Variants in SNX4 observed in about 807,000 individuals in gnomAD.
SNX4 encodes the protein sorting nexin-4.
Under a neutral mutation model 70.8 loss-of-function variants are expected in SNX4, and 49 were observed. The observed-to-expected ratio is 0.69, with a 90% CI of 0.55 to 0.88. The LOEUF is 0.88. Ranked by LOEUF, SNX4 falls within the 40% of genes least tolerant of loss-of-function variation. The pLI is 0.00. For synonymous variants in SNX4, 206 were observed against 183.8 expected (o/e 1.12, Z -0.98); for missense variants, 528 against 544.8 (o/e 0.97, Z 0.31).
chr3:125,459,372 T>C (rs745476844), intron 10 of SNX4, among the ~76,000 whole-genome samples: 2 of 152,190 alleles, frequency 1.3e-5, no homozygotes, highest in Non-Finnish European at 2.9e-5. Context: ...CCTGGCCATC[T>C]TTCCATGTCA....
At chr3:125,519,949 G>GGCCCCCCCCCCC in intron 1 of SNX4, 83 bp downstream of exon 1, 1 of 1,049,134 alleles carries the variant, frequency 9.5e-7, no homozygotes. Context: ...GCCCGGCCCG[G>GGCCCCCCCCCCC]CCCAGCCCAG....
At chr3:125,517,890 C>T (rs868066846) in intron 1 of SNX4, among the ~76,000 whole-genome samples, 13 of 151,604 alleles carry the variant, frequency 8.6e-5, no homozygotes, top group African/African-American at 2.9e-4. Flanking sequence ...GCATGAGAAT[C>T]GCTTGAGCCT....
chr3:125,511,770 T>C (rs1935178821), intron 1 of SNX4, among the ~76,000 whole-genome samples: 1 of 152,104 alleles, frequency 6.6e-6, no homozygotes, highest in African/African-American at 2.4e-5. Context: ...AATTGGAGTG[T>C]TTTATGAAGG....
chr3:125,467,693 G>A (rs1212886785), intron 9 of SNX4, among the ~76,000 whole-genome samples: 1 of 152,106 alleles, frequency 6.6e-6, no homozygotes, highest in Non-Finnish European at 1.5e-5. Context: ...GATTACAGGC[G>A]TGAGCCACTG....
chr3:125,519,953 A>ACCCCC, intron 1 of SNX4, 79 bp downstream of exon 1: 1 of 745,322 alleles, frequency 1.3e-6, no homozygotes, highest in East Asian at 5.3e-5. Flanking sequence ...GGCCCGGCCC[A>ACCCCC]GCCCAGCCCA....
At chr3:125,466,622 T>G (rs1934026933) in intron 9 of SNX4, among the ~76,000 whole-genome samples, 1 of 151,992 alleles carries the variant, frequency 6.6e-6, no homozygotes, top group African/African-American at 2.4e-5. Context: ...AAAAAACAGC[T>G]CAATTTAAAA....
intron 1 of SNX4, among the ~76,000 whole-genome samples, chr3:125,511,113 C>T (rs1334561550): frequency 6.6e-6 from 1 of 152,154 alleles, no homozygotes; most frequent in African/African-American, 2.4e-5. Flanking sequence ...GGAGTTTCTC[C>T]ATGTTGGTCA....
intron 2 of SNX4, among the ~76,000 whole-genome samples, chr3:125,499,762 TAA>T (rs372624115): frequency 0.35 from 47,575 of 134,710 alleles, 7,905 homozygotes; most frequent in Admixed American, 0.48. Flanking sequence ...CATAAGTGTT[TAA>T]AAAAAAAAAA....
In SNX4 at chr3:125,507,191, GAAAAAAAAA is replaced by G. The variant is rs753584700; in HGVS notation, c.142-2456_142-2448del. Among the ~76,000 whole-genome samples, 43 of 90,800 alleles carry G rather than the reference GAAAAAAAAA, an allele frequency of 4.7e-4. No homozygotes were observed. In the East Asian group the frequency reaches 6.2e-3, roughly 13 times the overall value. The allele number at this position is 90,800 out of a possible 152,430, so 59.6% of individuals were successfully genotyped here. ...CCACTGCACTCCAGCCTGGGTGATA[GAAAAAAAAA>G]AAAAAAAAAAAGAAACCAAAAAGAA... On this transcript the variant is annotated intron_variant, in intron 1 of 13. Transcript: ENST00000251775.
Position 125,447,376 on chromosome 3 carries a change from G to GTGCC in SNX4, c.*402_*403insGGCA, listed in dbSNP as rs973273074. The stretch of plus-strand genomic sequence containing the variant: ...GAAAACAACTCCCTATAACAGATTA[G>GTGCC]TGGATCTTACCAAGTAAATATAGGA... On this transcript the variant is annotated 3_prime_UTR_variant, in exon 14 of 14. Coordinates refer to ENST00000251775, the MANE Select transcript of SNX4 (RefSeq NM_003794.4). 3.1e-5 allele frequency: 5 copies of GTGCC among 159,856 alleles called. No homozygotes were observed. Among genetic ancestry groups the GTGCC allele is most frequent in the African/African-American group, 9.6e-5 (4 of 41,548 alleles). The allele number at this position is 159,856 out of a possible 1,614,324, so 9.9% of individuals were successfully genotyped here.
intron 11 of SNX4, among the ~76,000 whole-genome samples, chr3:125,455,111 T>C (rs1933677126): frequency 6.6e-6 from 1 of 152,044 alleles, no homozygotes; most frequent in South Asian, 2.1e-4. Context: ...AAATTTTTGG[T>C]AAAGACAGGG....
rs767432586 is a variant in SNX4, at chr3:125,471,344, C to CAAAAAAAA, written c.789-1833_789-1826dup. ...GGGCAACAAGAGCAAAGCTCCATCT[C>CAAAAAAAA]AAAAAAAAAAAAAAAAAAAAAAAAA... On this transcript the variant is annotated intron_variant, in intron 8 of 13. Transcript: ENST00000251775. Among the ~76,000 whole-genome samples, 99 of 28,146 alleles carry CAAAAAAAA rather than the reference C, an allele frequency of 3.5e-3. 16 individuals are homozygous for CAAAAAAAA. The highest frequency in any genetic ancestry group is 0.016 in the African/African-American group (87 of 5,444). 18.5% of individuals were successfully genotyped at this position (28,146 alleles called of 152,430 possible).
At chr3:125,482,725 A>G (rs749969522) in intron 6 of SNX4, among the ~76,000 whole-genome samples, 13 of 152,172 alleles carry the variant, frequency 8.5e-5, no homozygotes, top group Non-Finnish European at 1.6e-4. Flanking sequence ...CCAAGTATTC[A>G]GTTACTGTGG....
At chr3:125,473,948 A>C (rs1559814789) in intron 8 of SNX4, among the ~76,000 whole-genome samples, 1 of 152,208 alleles carries the variant, frequency 6.6e-6, no homozygotes, top group Non-Finnish European at 1.5e-5. Flanking sequence ...TATTCTCACT[A>C]GCTTCTTAAA....
At chr3:125,504,455 G>A (rs912226673) in intron 2 of SNX4, among the ~76,000 whole-genome samples, 168 bp downstream of exon 2, 4 of 151,402 alleles carry the variant, frequency 2.6e-5, no homozygotes, top group East Asian at 1.9e-4. Flanking sequence ...CTGCACTCCA[G>A]CCCAGGCAAC....
rs1328207234 is a variant in SNX4, at chr3:125,451,415, A to G, written c.1195T>C (p.Phe399Leu). ...ATATCAGCCCATGCGTTTTTCACAA[A>G]TTCTCTGAAATAAAAGGTATAGCCA... ...LKSKNLEGRE[F>L]VKNAWADIER... The change falls in exon 13 of 14, where the codon TTT becomes CTT. Residue 399 changes from phenylalanine to leucine, a missense_variant. By Grantham distance (22) the Phe-to-Leu change is conservative (BLOSUM62 0). Coordinates refer to ENST00000251775, the MANE Select transcript of SNX4 (RefSeq NM_003794.4). The G allele has an allele frequency of 6.2e-7, 1 of 1,604,934 alleles. No homozygotes were observed. Among genetic ancestry groups the G allele is most frequent in the East Asian group, 2.2e-5 (1 of 44,814 alleles).
intron 11 of SNX4, among the ~76,000 whole-genome samples, chr3:125,456,495 A>C (rs1055907317): frequency 1.3e-5 from 2 of 151,912 alleles, no homozygotes; most frequent in Non-Finnish European, 2.9e-5. Flanking sequence ...ACTATAAACA[A>C]AATTAGCCAG....
At chr3:125,466,620 G>A (rs7646098) in intron 9 of SNX4, among the ~76,000 whole-genome samples, 65,298 of 151,916 alleles carry the variant, frequency 0.43, 15,048 homozygotes, top group African/African-American at 0.6. Context: ...GCAAAAAACA[G>A]CTCAATTTAA....
At chr3:125,486,680 G>A (rs192923430) in intron 6 of SNX4, among the ~76,000 whole-genome samples, 9 of 152,266 alleles carry the variant, frequency 5.9e-5, no homozygotes, top group Non-Finnish European at 8.8e-5. Flanking sequence ...CCTAGATTTT[G>A]ACTTAGTGGG....
Sources: gnomAD v4.1 joint callset for allele counts (sites outside exome capture counted in the v4.1 genomes callset) on GRCh38, gnomAD v4.1.1 for gene constraint, MANE v1.5 for transcripts, NCBI Gene and HGNC (gene_info 2026-07-23, HGNC 2026-07-21) for gene names.